The following PRORP variants were observed in gnomAD, a reference collection of about 807,000 sequenced individuals.
PRORP encodes the protein mitochondrial ribonuclease P catalytic subunit.
In PRORP, 51 loss-of-function variants were observed where a neutral mutation model predicts 59.4. The observed-to-expected ratio is 0.86, with a 90% confidence interval of 0.69 to 1.08. The LOEUF is 1.08. Among genes scored for constraint, PRORP ranks in the 50% least tolerant of loss-of-function variants. The probability of loss-of-function intolerance (pLI) is 0.00; values close to 1 mark genes in which losing one functional copy is unlikely to be tolerated. For synonymous variants in PRORP, 231 were observed against 245.6 expected (o/e 0.94, Z 0.55); for missense variants, 646 against 690.3 (o/e 0.94, Z 0.72).
rs543203319 is a variant in PRORP at position 35,142,925 on chromosome 14, C to CTT, written c.1167+15315_1167+15316dup. ...TGATGCCCTGAGCTCAAGTGATCCT[C>CTT]TTGCCTTGGCTTCCCGAAGTGCTGG... On this transcript the variant is annotated intron_variant, in intron 4 of 7. Transcript: ENST00000534898. Among the ~76,000 whole-genome samples, 211 of 145,328 alleles carry CTT rather than the reference C, an allele frequency of 1.5e-3. 8 individuals are homozygous for CTT. The highest frequency in any genetic ancestry group is 4.9e-3 in the African/African-American group (201 of 41,072).
chr14:35,161,080 G>A (rs960085686), intron 4 of PRORP, among the ~76,000 whole-genome samples: 2 of 55,492 alleles, frequency 3.6e-5, no homozygotes, highest in African/African-American at 5.2e-5. Context: ...GTGAAGACCG[G>A]AGCCCATTTC....
At position 35,151,194 on chromosome 14, in the gene PRORP, A is replaced by T. The variant is rs147498516; in HGVS notation, c.1167+23583A>T. ...CTTTTAGTGTTATTTTTCTTAAAAG[A>T]TTCTGCCTAGGATTTTTGATTTAGT... is the stretch of plus-strand genomic sequence containing the variant. On this transcript the variant is annotated intron_variant, in intron 4 of 7. Coordinates refer to ENST00000534898, the MANE Select transcript of PRORP (RefSeq NM_014672.4). 7.5e-4 allele frequency among the ~76,000 whole-genome samples: 114 copies of T among 152,294 alleles called. 4 individuals carry two copies. In the East Asian group the frequency reaches 0.019, roughly 26 times the overall value.
At chr14:35,247,933 C>A (rs1465492333) in intron 5 of PRORP, among the ~76,000 whole-genome samples, 1 of 152,090 alleles carries the variant, frequency 6.6e-6, no homozygotes. Context: ...CTGAGGAAAT[C>A]CATCTAGGCC....
chr14:35,263,032 A>C, intron 5 of PRORP: 1 of 1,575,812 alleles, frequency 6.3e-7, no homozygotes, highest in Non-Finnish European at 8.6e-7. Flanking sequence ...CCGGCTGATG[A>C]ATAAGATCTA....
intron 4 of PRORP, among the ~76,000 whole-genome samples, chr14:35,166,494 G>C (rs1001938553): frequency 4.8e-5 from 7 of 146,278 alleles, no homozygotes; most frequent in Non-Finnish European, 8.9e-5. Flanking sequence ...TCTGTCGCCA[G>C]GCTGGAGTGC....
intron 4 of PRORP, among the ~76,000 whole-genome samples, chr14:35,162,360 T>C (rs1216055910): frequency 6.6e-6 from 1 of 152,126 alleles, no homozygotes; most frequent in Non-Finnish European, 1.5e-5. Context: ...ACCTTGAAGA[T>C]TCAGTGTGTT....
At chr14:35,154,159 G>C (rs1297058105) in intron 4 of PRORP, among the ~76,000 whole-genome samples, 1 of 152,184 alleles carries the variant, frequency 6.6e-6, no homozygotes, top group African/African-American at 2.4e-5. Flanking sequence ...GATAAGGTCA[G>C]CTTTTCCTAG....
intron 5 of PRORP, 35 bp downstream of exon 5, chr14:35,180,812 C>G (rs374891367): frequency 2.2e-6 from 3 of 1,341,054 alleles, no homozygotes; most frequent in Non-Finnish European, 3.2e-6. Context: ...TTCCACATCT[C>G]TAGAAATATT....
At position 35,142,347 on chromosome 14, in the gene PRORP, T is replaced by G. The variant is rs1365270125; in HGVS notation, c.1167+14736T>G. Reference sequence around the variant, plus strand: ...CTGTAAATTATAAATTCATTGCTTTTTTTTTTTTTTTTTTCCAAGAGATGA... The same window carrying G: ...CTGTAAATTATAAATTCATTGCTTTGTTTTTTTTTTTTTTCCAAGAGATGA... On this transcript the variant is annotated intron_variant, in intron 4 of 7. Transcript: ENST00000534898. Among the ~76,000 whole-genome samples, 19 of 138,340 alleles carry G rather than the reference T, an allele frequency of 1.4e-4. 2 individuals are homozygous for G. The highest frequency in any genetic ancestry group is 3.6e-3 in the Middle Eastern group (1 of 280). The allele number at this position is 138,340 out of a possible 152,430, so 90.8% of individuals were successfully genotyped here.
At chr14:35,218,017 G>C (rs2049649586) in intron 5 of PRORP, among the ~76,000 whole-genome samples, 1 of 152,168 alleles carries the variant, frequency 6.6e-6, no homozygotes, top group South Asian at 2.1e-4. Flanking sequence ...TTAAATCTGA[G>C]GTATGTTGTT....
At chr14:35,269,560 T>G (rs563399017) in intron 6 of PRORP, among the ~76,000 whole-genome samples, 2 of 152,226 alleles carry the variant, frequency 1.3e-5, no homozygotes, top group Non-Finnish European at 2.9e-5. Context: ...TAGTGAGTCC[T>G]CATGTAACTG....
At chr14:35,167,705 G>A (rs972514829) in intron 4 of PRORP, among the ~76,000 whole-genome samples, 2 of 152,198 alleles carry the variant, frequency 1.3e-5, no homozygotes, top group African/African-American at 2.4e-5. Context: ...TTGTTCGCAT[G>A]TTAAGAGCAC....
intron 4 of PRORP, among the ~76,000 whole-genome samples, chr14:35,170,101 A>G (rs1222035980): frequency 2.6e-5 from 4 of 152,146 alleles, no homozygotes; most frequent in African/African-American, 9.7e-5. Flanking sequence ...TATTTTGTCT[A>G]ACATTAGTGT....
chr14:35,250,173 A>C (rs1174927515), intron 5 of PRORP, among the ~76,000 whole-genome samples: 2 of 151,858 alleles, frequency 1.3e-5, no homozygotes. Context: ...GCCTGAACCC[A>C]GTGAGCCACG....
chr14:35,162,132 G>A (rs1382675046), intron 4 of PRORP, among the ~76,000 whole-genome samples: 2 of 151,834 alleles, frequency 1.3e-5, no homozygotes, highest in East Asian at 1.9e-4. Context: ...TCCTATTAAC[G>A]AGTATTTAAC....
chr14:35,266,669 T>C, intron 5 of PRORP, 58 bp from the exon 6 acceptor site: 1 of 1,582,918 alleles, frequency 6.3e-7, no homozygotes, highest in Non-Finnish European at 8.6e-7. Context: ...GAAAAATCAC[T>C]CCACTAATTT....
rs10146386 is a variant in PRORP, at chr14:35,199,655, A to G, written c.1275+18878A>G. ...GAACCTGCTGGCATCTTGATCTTAG[A>G]ATTCCTAGCCTCCAGAACTCTGAAG... On this transcript the variant is annotated intron_variant, in intron 5 of 7. Coordinates refer to ENST00000534898, the MANE Select transcript of PRORP (RefSeq NM_014672.4). Among the ~76,000 whole-genome samples the G allele has an allele frequency of 3.9e-3, 597 of 152,304 alleles. 6 individuals are homozygous for G. The highest frequency in any genetic ancestry group is 0.014 in the African/African-American group (565 of 41,558).
chr14:35,216,665 A>G (rs1325138799), intron 5 of PRORP, among the ~76,000 whole-genome samples: 2 of 152,188 alleles, frequency 1.3e-5, no homozygotes, highest in African/African-American at 4.8e-5. Context: ...TATATGTAGG[A>G]GTAGAATTGT....
At position 35,181,533 on chromosome 14, in the gene PRORP, C is replaced by G. The variant is rs572139381; in HGVS notation, c.1275+756C>G. ...GCACAGTGGCTCATGCCTGTAATCC[C>G]CAGCACTTTGGGAGGCCAAGGTGGG... On this transcript the variant is annotated intron_variant, in intron 5 of 7. Transcript: ENST00000534898. Among the ~76,000 whole-genome samples, 3 of 152,164 alleles carry G rather than the reference C, an allele frequency of 2.0e-5. No individual in the cohort carries two copies. In the South Asian group the frequency reaches 6.2e-4, roughly 32 times the overall value.
Sources: allele counts gnomAD v4.1 joint callset (sites outside exome capture counted in the v4.1 genomes callset), GRCh38; gene constraint gnomAD v4.1.1; transcripts MANE v1.5; gene names NCBI Gene and HGNC (gene_info 2026-07-23, HGNC 2026-07-21).